Variants in SETD5 observed in about 807,000 individuals in gnomAD.
SETD5 encodes SET domain containing 5.
Under a neutral mutation model 153.3 loss-of-function variants are expected in SETD5, and 44 were observed. The ratio of observed to expected loss-of-function variants is 0.29; its 90% CI spans 0.23 to 0.37. SETD5 has a LOEUF of 0.37. Ranked by LOEUF, SETD5 falls within the 10% of genes least tolerant of loss-of-function variation. SETD5 has a pLI of 1.00. For missense variants in SETD5, 1,544 were observed against 1,768.0 expected (o/e 0.87, Z 2.27); for synonymous variants, 716 against 645.2 (o/e 1.11, Z -1.66).
At chr3:9,408,168 T>C (rs2036017031) in intron 1 of SETD5, among the ~76,000 whole-genome samples, 1 of 152,194 alleles carries the variant, frequency 6.6e-6, no homozygotes, top group Non-Finnish European at 1.5e-5. Context: ...TTGTAGAGGA[T>C]TGTGAGACTT....
Position 9,475,496 on chromosome 3 carries a change from A to T in SETD5, c.3734A>T (p.Asp1245Val). ...SRYSYQLLQC[D>V]SPRTESQSLL... ...AACTTTGTCTAGCTCCTGCAGTGTG[A>T]TAGTCCTCGGACAGAATCACAAAGC... Residue 1245 changes from aspartate (D) to valine (V), a missense_variant, in exon 23 of 23, where the codon GAT becomes GTT. This residue lies in a region of SETD5 where 302 missense variants were observed against 277.6 expected (regional missense o/e 1.09). Coordinates refer to ENST00000402198, the MANE Select transcript of SETD5 (RefSeq NM_001080517.3). 6.2e-7 allele frequency: 1 copy of T among 1,611,678 alleles called. No individual in the cohort carries two copies. Among genetic ancestry groups the T allele is most frequent in the East Asian group, 2.2e-5 (1 of 44,810 alleles).
In SETD5 at chr3:9,470,499, A is replaced by T. The variant is rs760284358; in HGVS notation, c.2765A>T (p.Tyr922Phe). The change falls in exon 19 of 23, where the codon TAC (tyrosine) becomes TTC (phenylalanine). Residue 922 changes from tyrosine (Y) to phenylalanine (F), a missense_variant. Tyr to Phe is a conservative substitution (Grantham distance 22). Around this residue, in one of 9 missense-constraint regions of SETD5, gnomAD observed 782 missense variants for 787.2 expected, o/e 0.99. Coordinates refer to ENST00000402198, the MANE Select transcript of SETD5 (RefSeq NM_001080517.3). ...RKDLDLAKVG[Y>F]LDSNTNSCAD... ...GACCTGGATTTGGCAAAAGTAGGAT[A>T]CCTTGACTCCAACACTAACAGCTGT... 6.2e-7 allele frequency: 1 copy of T among 1,613,624 alleles called. No individual in the cohort carries two copies. Among genetic ancestry groups the T allele is most frequent in the Admixed American group, 1.7e-5 (1 of 59,998 alleles).
At position 9,428,842 on chromosome 3, in the gene SETD5, A is replaced by G; in HGVS notation, c.-97A>G. On this transcript the variant is annotated 5_prime_UTR_variant, in exon 3 of 23. An upstream start codon of the reference 5' UTR is lost. Coordinates refer to ENST00000402198, the MANE Select transcript of SETD5 (RefSeq NM_001080517.3). ...TTACAGGATTCCTCATGTCCATAAC[A>G]TGTTGGATGAGGCTCTGCAGCTCAC... 10 of 706,180 alleles carry G rather than the reference A, an allele frequency of 1.4e-5. No individual in the cohort carries two copies. The highest frequency in any genetic ancestry group is 1.1e-4 in the East Asian group (4 of 35,148). The allele number at this position is 706,180 out of a possible 1,614,324, so 43.7% of individuals were successfully genotyped here.
chr3:9,430,466 A>G (rs939418614), intron 3 of SETD5: 6 of 520,044 alleles, frequency 1.2e-5, no homozygotes, highest in African/African-American at 1.0e-4. Flanking sequence ...TTGCATGCAA[A>G]AGGTATTTAG....
chr3:9,400,709 T>G (rs1294920367), intron 1 of SETD5, among the ~76,000 whole-genome samples: 2 of 152,210 alleles, frequency 1.3e-5, no homozygotes, highest in Non-Finnish European at 2.9e-5. Context: ...ATCACAAATA[T>G]ATGTCTTTGG....
Position 9,475,717 on chromosome 3 carries a change from G to C in SETD5, c.3955G>C (p.Gly1319Arg). The change falls in exon 23 of 23, where the codon GGG becomes CGG. Residue 1319 changes from glycine (G) to arginine (R), a missense_variant. This residue lies in a region of SETD5 where 302 missense variants were observed against 277.6 expected (regional missense o/e 1.09). Coordinates refer to ENST00000402198, the MANE Select transcript of SETD5 (RefSeq NM_001080517.3). Reference protein sequence around the residue: ...DSLAPFTGTPGYFSSQPHSGN... With the variant: ...DSLAPFTGTPRYFSSQPHSGN... ...GTTGGCCCCATTTACGGGGACACCA[G>C]GGTATTTTAGCAGCCAGCCACATTC... is the stretch of plus-strand genomic sequence containing the variant. The C allele has an allele frequency of 6.2e-7, 1 of 1,613,968 alleles. No homozygotes were observed. The highest frequency in any genetic ancestry group is 1.6e-4 in the Middle Eastern group (1 of 6,062).
intron 17 of SETD5, among the ~76,000 whole-genome samples, chr3:9,459,909 A>G (rs1238567776): frequency 1.3e-5 from 2 of 152,126 alleles, no homozygotes; most frequent in Admixed American, 6.5e-5. Flanking sequence ...ATCTTTTAAT[A>G]TCTAGCTGAA....
At chr3:9,444,456 C>G (rs1410443417) in intron 11 of SETD5, among the ~76,000 whole-genome samples, 1 of 152,088 alleles carries the variant, frequency 6.6e-6, no homozygotes, top group Non-Finnish European at 1.5e-5. Context: ...ATGAGTATGG[C>G]CACATCAGAC....
At chr3:9,445,774 C>T in intron 13 of SETD5, 34 bp downstream of exon 13, 2 of 1,485,150 alleles carry the variant, frequency 1.3e-6, no homozygotes, top group Non-Finnish European at 1.8e-6. Flanking sequence ...TGCTCCTTCT[C>T]ATTCCTGCTA....
At chr3:9,446,557 A>T (rs532153561) in intron 13 of SETD5, among the ~76,000 whole-genome samples, 1 of 151,396 alleles carries the variant, frequency 6.6e-6, no homozygotes, top group Non-Finnish European at 1.5e-5. Context: ...CAGTGGCGCA[A>T]TCTCAACTCA....
At chr3:9,435,628 T>C (rs774527281) in intron 6 of SETD5, 100 bp from the exon 7 acceptor site, 28 of 1,090,468 alleles carry the variant, frequency 2.6e-5, no homozygotes, top group Admixed American at 6.5e-5. Flanking sequence ...ATAGTGGAAG[T>C]AATGGCTTAC....
chr3:9,440,322 G>T, intron 7 of SETD5, 134 bp from the exon 8 acceptor site: 1 of 618,200 alleles, frequency 1.6e-6, no homozygotes, highest in Non-Finnish European at 2.9e-6. Flanking sequence ...CTGACTCCCA[G>T]TCCATTACTC....
intron 1 of SETD5, among the ~76,000 whole-genome samples, chr3:9,409,097 A>C (rs1178006078): frequency 6.6e-6 from 1 of 152,154 alleles, no homozygotes; most frequent in East Asian, 1.9e-4. Context: ...TGTACAGATA[A>C]TTGGTTGGAA....
intron 1 of SETD5, among the ~76,000 whole-genome samples, chr3:9,401,407 T>G (rs1469227637): frequency 6.6e-6 from 1 of 152,236 alleles, no homozygotes; most frequent in Non-Finnish European, 1.5e-5. Flanking sequence ...TATTATCATT[T>G]TTTAGAGGAT....
chr3:9,444,639 C>A (rs2041714878), intron 11 of SETD5, among the ~76,000 whole-genome samples: 1 of 151,982 alleles, frequency 6.6e-6, no homozygotes, highest in African/African-American at 2.4e-5. Context: ...GCCTGTAATC[C>A]CAGCACTTTG....
At position 9,445,707 on chromosome 3, in the gene SETD5, A is replaced by C. The variant is rs756033652; in HGVS notation, c.1491A>C (p.Ile497=). 12 of 1,613,596 alleles carry C rather than the reference A, an allele frequency of 7.4e-6. No individual in the cohort carries two copies. Among genetic ancestry groups the C allele is most frequent in the South Asian group, 1.1e-5 (1 of 91,064 alleles). The change falls in exon 13 of 23, where the codon ATA becomes ATC. Residue 497 remains isoleucine, a synonymous_variant. Coordinates refer to ENST00000402198, the MANE Select transcript of SETD5 (RefSeq NM_001080517.3). ...EKPEEEKEEV[I]DDQENLAHSR... is the part of the protein sequence containing the mutation. ...CAGAAGAAGAGAAAGAAGAGGTTATAGATGACCAGGAGAACCTAGCTCATA... is the reference window on the plus strand; with the variant it reads ...CAGAAGAAGAGAAAGAAGAGGTTATCGATGACCAGGAGAACCTAGCTCATA...
chr3:9,446,481 C>T (rs1445674581), intron 13 of SETD5, among the ~76,000 whole-genome samples: 1 of 151,018 alleles, frequency 6.6e-6, no homozygotes, highest in Non-Finnish European at 1.5e-5. Context: ...GTTTATGACC[C>T]TGATTTGATG....
At chr3:9,472,724 C>CCCCCTCCCTCTCCT (rs2045444489) in intron 19 of SETD5, among the ~76,000 whole-genome samples, 1 of 151,856 alleles carries the variant, frequency 6.6e-6, no homozygotes, top group African/African-American at 2.4e-5. Context: ...CTACCTCTCC[C>CCCCCTCCCTCTCCT]CACCTCCCTC....
intron 17 of SETD5, among the ~76,000 whole-genome samples, chr3:9,455,086 C>T (rs1364723824): frequency 6.8e-6 from 1 of 147,664 alleles, no homozygotes; most frequent in African/African-American, 2.5e-5. Flanking sequence ...CAGAACTTTT[C>T]TTAAAGTTCT....
Sources: allele counts gnomAD v4.1 joint callset (sites outside exome capture counted in the v4.1 genomes callset), GRCh38; gene constraint gnomAD v4.1.1; regional missense constraint gnomAD v4.1.1; transcripts MANE v1.5; gene names NCBI Gene and HGNC (gene_info 2026-07-23, HGNC 2026-07-21).